Variants in PCSK6 observed in about 807,000 individuals in gnomAD.
The protein encoded by PCSK6 is paired basic amino acid cleaving enzyme 4.
In PCSK6, 85 loss-of-function variants were observed where a neutral mutation model predicts 123.3. The ratio of observed to expected loss-of-function variants is 0.69; its 90% CI spans 0.58 to 0.83. The LOEUF (loss-of-function observed/expected upper bound fraction) is 0.83, where lower values mean the gene tolerates loss of function less well. Among genes scored for constraint, PCSK6 ranks in the 40% least tolerant of loss-of-function variants. The pLI, the probability that PCSK6 is intolerant of heterozygous loss-of-function variation, is 0.00. For missense variants in PCSK6, 1,191 were observed against 1,282.3 expected (o/e 0.93, Z 1.09); for synonymous variants, 508 against 516.0 (o/e 0.98, Z 0.21).
At chr15:101,429,953 A>G (rs1230651553) in intron 5 of PCSK6, 34 bp downstream of exon 5, 1 of 1,546,372 alleles carries the variant, frequency 6.5e-7, no homozygotes, top group East Asian at 2.2e-5. Flanking sequence ...AGGGAGGGGA[A>G]GAGAAGCCGG....
intron 5 of PCSK6, 25 bp from the exon 6 acceptor site, chr15:101,428,005 G>A: frequency 6.5e-7 from 1 of 1,544,068 alleles, no homozygotes; most frequent in Non-Finnish European, 8.8e-7. Flanking sequence ...AAAACCAAGT[G>A]AGGACGCAGC....
In PCSK6 at chr15:101,339,462, G is replaced by A. The variant is rs761861952; in HGVS notation, c.1859-7431C>T. 1.1e-4 allele frequency among the ~76,000 whole-genome samples: 17 copies of A among 152,102 alleles called. No homozygotes were observed. The East Asian group carries it at 1.4e-3, about 12-fold the overall frequency. The stretch of plus-strand genomic sequence containing the variant: ...CAAAGGTTAATGCAGAGGTTTGGGC[G>A]GAAGGAATAAAAAAGCTTACTTCCA... On this transcript the variant is annotated intron_variant, in intron 13 of 21. Coordinates refer to ENST00000611716, the MANE Select transcript of PCSK6 (RefSeq NM_002570.5).
chr15:101,320,063 CAGAATTGAGCT>C (rs1261446145), intron 18 of PCSK6, among the ~76,000 whole-genome samples: 3 of 151,350 alleles, frequency 2.0e-5, no homozygotes, highest in Non-Finnish European at 4.4e-5. Context: ...CTAGTAGCGT[CAGAATTGAGCT>C]ATTTATTTAT....
At chr15:101,417,002 A>G (rs1049677225) in intron 6 of PCSK6, among the ~76,000 whole-genome samples, 2 of 152,216 alleles carry the variant, frequency 1.3e-5, no homozygotes, top group Admixed American at 1.3e-4. Context: ...GGTACTGCCT[A>G]GTGGACCTGT....
chr15:101,481,196 G>A (rs544114023), intron 1 of PCSK6, among the ~76,000 whole-genome samples: 2 of 152,316 alleles, frequency 1.3e-5, no homozygotes, highest in African/African-American at 2.4e-5. Flanking sequence ...AGCAGGCAAC[G>A]TCCAGGTGGC....
chr15:101,304,420 T>C lies in PCSK6; in HGVS notation c.*838A>G, dbSNP rs2039678890. On this transcript the variant is annotated 3_prime_UTR_variant, in exon 22 of 22. Transcript: ENST00000611716. ...ATGATTAACAATGCATGGCTGGCTT[T>C]ACATTTTGTTCAGAGGAATTGCTTG... 6.6e-6 allele frequency: 1 copy of C among 152,284 alleles called. No homozygotes were observed. The highest frequency in any genetic ancestry group is 1.5e-5 in the Non-Finnish European group (1 of 68,046). The allele number at this position is 152,284 out of a possible 1,614,324, so 9.4% of individuals were successfully genotyped here. A position where few individuals can be genotyped will look rare whatever the true frequency, so the allele number is the denominator to read the frequency against.
chr15:101,364,175 C>T (rs953811143), intron 13 of PCSK6, among the ~76,000 whole-genome samples: 3 of 152,138 alleles, frequency 2.0e-5, no homozygotes, highest in African/African-American at 7.2e-5. Context: ...GGTTCTCACG[C>T]ACTCCCAGGG....
At chr15:101,473,830 G>C (rs1297701822) in intron 1 of PCSK6, among the ~76,000 whole-genome samples, 1 of 152,140 alleles carries the variant, frequency 6.6e-6, no homozygotes. Flanking sequence ...AGCTGAGATC[G>C]CACCATTGCA....
chr15:101,355,779 G>A (rs2041019405), intron 13 of PCSK6, among the ~76,000 whole-genome samples: 1 of 152,244 alleles, frequency 6.6e-6, no homozygotes, highest in African/African-American at 2.4e-5. Context: ...GCACCTGAGG[G>A]TGCCGAGCGG....
intron 18 of PCSK6, among the ~76,000 whole-genome samples, chr15:101,320,088 T>C (rs2040082588): frequency 6.6e-6 from 1 of 152,010 alleles, no homozygotes; most frequent in Non-Finnish European, 1.5e-5. Context: ...TATTTATTTA[T>C]TATTTATTTA....
intron 1 of PCSK6, among the ~76,000 whole-genome samples, chr15:101,450,344 G>A (rs995597916): frequency 2.0e-5 from 3 of 152,022 alleles, no homozygotes; most frequent in African/African-American, 7.2e-5. Context: ...AAGGGGCCCT[G>A]CCCTCACACA....
At position 101,312,765 on chromosome 15, in the gene PCSK6, G is replaced by A. The variant is rs189679738; in HGVS notation, c.2699+611C>T. Among the ~76,000 whole-genome samples, 4 of 152,266 alleles carry A rather than the reference G, an allele frequency of 2.6e-5. No individual in the cohort carries two copies. The East Asian group carries it at 7.7e-4, about 29-fold the overall frequency. ...GAGAATGGTGTGAATCTGGGAGGCGGAGCTTGCAATGAGCCGAGATCGCCC... is the reference window on the plus strand; with the variant it reads ...GAGAATGGTGTGAATCTGGGAGGCGAAGCTTGCAATGAGCCGAGATCGCCC... On this transcript the variant is annotated intron_variant, in intron 20 of 21. Transcript: ENST00000611716.
At chr15:101,404,108 T>C (rs1419381497) in intron 6 of PCSK6, among the ~76,000 whole-genome samples, 1 of 152,264 alleles carries the variant, frequency 6.6e-6, no homozygotes, top group East Asian at 1.9e-4. Flanking sequence ...TCTCCCAGTG[T>C]ATGCCTGGTC....
Position 101,331,936 on chromosome 15 carries a change from G to C in PCSK6, c.1954C>G (p.Leu652Val). The change falls in exon 14 of 22, where the codon CTC (leucine) becomes GTC (valine). Residue 652 changes from leucine to valine, a missense_variant. By Grantham distance (32) the Leu-to-Val change is conservative. Transcript: ENST00000611716. ...GGTGGCTCCAGCTCTGGGGCTGAGA[G>C]CTCCAGCATCCGCGAGCGGGACTGA... ...AHQSRSRMLE[L>V]SAPELEPPKA... 1 of 1,613,930 alleles carries C rather than the reference G, an allele frequency of 6.2e-7. No individual in the cohort carries two copies.
intron 18 of PCSK6, among the ~76,000 whole-genome samples, chr15:101,319,974 G>A (rs1486064414): frequency 2.0e-5 from 3 of 152,160 alleles, no homozygotes; most frequent in Non-Finnish European, 4.4e-5. Context: ...AGAAGCACAG[G>A]CTACCATGTG....
chr15:101,489,455 G>C lies in PCSK6; in HGVS notation c.216C>G (p.Asn72Lys). 8.4e-7 allele frequency: 1 copy of C among 1,192,610 alleles called. No individual in the cohort carries two copies. The highest frequency in any genetic ancestry group is 1.0e-6 in the Non-Finnish European group (1 of 956,906). The allele number at this position is 1,192,610 out of a possible 1,614,324, so 73.9% of individuals were successfully genotyped here. A position where few individuals can be genotyped will look rare whatever the true frequency, so the allele number is the denominator to read the frequency against. The change falls in exon 1 of 22, where the codon AAC becomes AAG. Residue 72 changes from asparagine (N) to lysine (K), a missense_variant. Asn to Lys is a moderately conservative substitution (Grantham distance 94, BLOSUM62 0). Coordinates refer to ENST00000611716, the MANE Select transcript of PCSK6 (RefSeq NM_002570.5). ...CGCCCAGCACTTGCACCGCCCAGTG[G>C]TTGGTGTAGACGGGGCGCGGCGGGG... ...SAPPPRPVYT[N>K]HWAVQVLGGP...
chr15:101,429,588 A>G (rs1421042150), intron 5 of PCSK6, among the ~76,000 whole-genome samples: 1 of 152,146 alleles, frequency 6.6e-6, no homozygotes, highest in Non-Finnish European at 1.5e-5. Context: ...CTCATTCCTA[A>G]GGTCACAGAG....
chr15:101,432,187 G>T, intron 2 of PCSK6, 87 bp from the exon 3 acceptor site: 2 of 1,055,142 alleles, frequency 1.9e-6, no homozygotes, highest in East Asian at 5.2e-5. Flanking sequence ...AGCCTTCCTT[G>T]TGCGTGAATA....
intron 1 of PCSK6, among the ~76,000 whole-genome samples, chr15:101,480,233 G>A (rs574628201): frequency 2.6e-5 from 4 of 152,334 alleles, no homozygotes; most frequent in South Asian, 2.1e-4. Flanking sequence ...GATGCTGGCC[G>A]GTGGCAGAAA....
Sources: allele counts gnomAD v4.1 joint callset (sites outside exome capture counted in the v4.1 genomes callset), GRCh38; gene constraint gnomAD v4.1.1; transcripts MANE v1.5; gene names NCBI Gene and HGNC (gene_info 2026-07-23, HGNC 2026-07-21).